Variants in MEMO1 observed in about 807,000 individuals in gnomAD.
MEMO1 encodes the protein mediator of cell motility 1, also known as protein MEMO1.
In MEMO1, 6 loss-of-function variants were observed where a neutral mutation model predicts 45.2. The ratio of observed to expected loss-of-function variants is 0.13; its 90% CI spans 0.07 to 0.26. The LOEUF is 0.26. Ranked by LOEUF, MEMO1 falls within the 10% of genes least tolerant of loss-of-function variation. The pLI is 1.00. For synonymous variants in MEMO1, 78 were observed against 124.3 expected (o/e 0.63, Z 2.48); for missense variants, 184 against 370.5 (o/e 0.50, Z 4.13).
Position 31,892,039 on chromosome 2 carries a change from G to A in MEMO1, c.533C>T (p.Ala178Val), listed in dbSNP as rs368828324. ...EFGKLFSKYL[A>V]DPSNLFVVSS... ...AACCACAAAGAGATTACTAGGATCC[G>A]CTAGATATTTACTGAAGAGTTTTCC... The change falls in exon 7 of 10, where the codon GCG becomes GTG. Residue 178 changes from alanine to valine, a missense_variant. By Grantham distance (64) the Ala-to-Val change is moderately conservative (BLOSUM62 0). Coordinates refer to ENST00000404530, the MANE Select transcript of MEMO1 (RefSeq NM_001301833.4). The A allele has an allele frequency of 5.6e-6, 9 of 1,612,118 alleles. No homozygotes were observed. The highest frequency in any genetic ancestry group is 1.1e-5 in the South Asian group (1 of 90,984).
rs561793305 is a variant in MEMO1 at position 32,006,732 on chromosome 2, C to T, written c.61+3455G>A. On this transcript the variant is annotated intron_variant, in intron 2 of 9. Transcript: ENST00000404530. The stretch of plus-strand genomic sequence containing the variant: ...CTGTAATCCCAGCACTTTGGGAGGC[C>T]GAGGCAGGCAGATCACGAGGTCAGG... Among the ~76,000 whole-genome samples the T allele has an allele frequency of 4.9e-4, 74 of 152,008 alleles. 1 individual carries two copies. Among genetic ancestry groups the T allele is most frequent in the African/African-American group, 1.2e-3 (50 of 41,460 alleles).
chr2:31,882,855 A>T (rs924275097), intron 8 of MEMO1, among the ~76,000 whole-genome samples: 3 of 152,174 alleles, frequency 2.0e-5, no homozygotes, highest in Admixed American at 1.3e-4. Context: ...CAGAATACAG[A>T]TTTTTATTAG....
intron 2 of MEMO1, among the ~76,000 whole-genome samples, chr2:31,975,493 G>C (rs932271985): frequency 1.3e-5 from 2 of 152,046 alleles, no homozygotes; most frequent in Non-Finnish European, 2.9e-5. Flanking sequence ...TAGACACATG[G>C]GAGGTGCCAC....
Position 31,985,876 on chromosome 2 carries a change from C to A in MEMO1, c.61+24311G>T, listed in dbSNP as rs1260466344. On this transcript the variant is annotated intron_variant, in intron 2 of 9. Transcript: ENST00000404530. ...AGGCACAGTGGTTCAGACCTGTAAT[C>A]CCAACACTTTGGGAGGCCAAGATGG... Among the ~76,000 whole-genome samples, 10 of 152,238 alleles carry A rather than the reference C, an allele frequency of 6.6e-5. No homozygotes were observed. The East Asian group carries it at 1.9e-3, about 29-fold the overall frequency.
At chr2:31,871,464 G>A (rs748493773) in intron 8 of MEMO1, among the ~76,000 whole-genome samples, 22 of 151,170 alleles carry the variant, frequency 1.5e-4, no homozygotes, top group South Asian at 4.2e-4. Context: ...CAGAATATTC[G>A]ACTCCTTCAC....
At chr2:31,997,607 TG>T (rs1672760507) in intron 2 of MEMO1, among the ~76,000 whole-genome samples, 1 of 152,118 alleles carries the variant, frequency 6.6e-6, no homozygotes, top group Admixed American at 6.5e-5. Context: ...ATGAAGTATC[TG>T]AAAAAGTCCT....
intron 2 of MEMO1, among the ~76,000 whole-genome samples, chr2:31,986,147 C>T: frequency 6.6e-6 from 1 of 152,116 alleles, no homozygotes. Context: ...GTAATCCCAG[C>T]ACTTTGGGAG....
At chr2:31,959,173 A>G (rs1275197810) in intron 2 of MEMO1, among the ~76,000 whole-genome samples, 2 of 152,222 alleles carry the variant, frequency 1.3e-5, no homozygotes, top group African/African-American at 4.8e-5. Context: ...GAATATTCCC[A>G]TTAGTAAGAG....
chr2:31,958,706 C>T (rs1667672096), intron 2 of MEMO1, among the ~76,000 whole-genome samples: 1 of 152,174 alleles, frequency 6.6e-6, no homozygotes, highest in African/African-American at 2.4e-5. Flanking sequence ...GGCCGGAATG[C>T]AATGGCACGA....
At chr2:31,974,162 C>A (rs1232448339) in intron 2 of MEMO1, among the ~76,000 whole-genome samples, 1 of 144,360 alleles carries the variant, frequency 6.9e-6, no homozygotes, top group African/African-American at 2.5e-5. Context: ...ATGCTAACTT[C>A]CTCTGTAATA....
At chr2:31,881,750 G>A (rs1445421254) in intron 8 of MEMO1, among the ~76,000 whole-genome samples, 1 of 152,078 alleles carries the variant, frequency 6.6e-6, no homozygotes. Context: ...GCTCACACCT[G>A]TAATCCCAGC....
At chr2:31,983,215 CG>C (rs1670866690) in intron 2 of MEMO1, among the ~76,000 whole-genome samples, 1 of 151,958 alleles carries the variant, frequency 6.6e-6, no homozygotes, top group East Asian at 1.9e-4. Flanking sequence ...GAGCCAAGAT[CG>C]TGCCATTGCA....
chr2:31,935,310 A>G (rs958420564), intron 3 of MEMO1, among the ~76,000 whole-genome samples: 1 of 152,228 alleles, frequency 6.6e-6, no homozygotes, highest in Non-Finnish European at 1.5e-5. Context: ...AATAAGCCTG[A>G]AAACGAGAAT....
At chr2:31,969,447 A>C (rs927876727) in intron 2 of MEMO1, among the ~76,000 whole-genome samples, 3 of 151,694 alleles carry the variant, frequency 2.0e-5, no homozygotes, top group Non-Finnish European at 2.9e-5. Flanking sequence ...GTATACGCAT[A>C]TATATCACAC....
intron 2 of MEMO1, among the ~76,000 whole-genome samples, chr2:31,949,800 G>A (rs1007038943): frequency 6.6e-6 from 1 of 152,006 alleles, no homozygotes; most frequent in African/African-American, 2.4e-5. Flanking sequence ...TGAGGGGATG[G>A]ATACCCCATT....
chr2:31,995,716 C>A (rs1453245022), intron 2 of MEMO1, among the ~76,000 whole-genome samples: 2 of 151,650 alleles, frequency 1.3e-5, no homozygotes, highest in African/African-American at 4.8e-5. Context: ...AAAAAATCCT[C>A]AAGGAGGTAA....
intron 2 of MEMO1, among the ~76,000 whole-genome samples, chr2:31,989,595 A>C (rs1232959766): frequency 6.6e-6 from 1 of 152,260 alleles, no homozygotes; most frequent in African/African-American, 2.4e-5. Flanking sequence ...TGAAAACACA[A>C]TATGAAAACT....
rs572296940 is a variant in MEMO1 at position 31,889,959 on chromosome 2, T to C, written c.580+2033A>G. ...TTGTAACTATCACCTGGAAATCCTA[T>C]CTTACAATTTAGATACCAAAATTTC... On this transcript the variant is annotated intron_variant, in intron 7 of 9. Coordinates refer to ENST00000404530, the MANE Select transcript of MEMO1 (RefSeq NM_001301833.4). Among the ~76,000 whole-genome samples, 5 of 152,216 alleles carry C rather than the reference T, an allele frequency of 3.3e-5. No individual in the cohort carries two copies. In the South Asian group the frequency reaches 1.0e-3, roughly 32 times the overall value.
intron 2 of MEMO1, among the ~76,000 whole-genome samples, chr2:31,972,016 T>C (rs1669471261): frequency 1.3e-5 from 2 of 151,976 alleles, no homozygotes; most frequent in South Asian, 2.1e-4. Flanking sequence ...AAACCAAGCA[T>C]GTGGAAGATT....
Sources: allele counts gnomAD v4.1 joint callset (sites outside exome capture counted in the v4.1 genomes callset), GRCh38; gene constraint gnomAD v4.1.1; transcripts MANE v1.5; gene names NCBI Gene and HGNC (gene_info 2026-07-23, HGNC 2026-07-21).